The following BCR variants were observed in gnomAD, a reference collection of about 807,000 sequenced individuals.
BCR encodes the protein breakpoint cluster region protein.
Under a neutral mutation model 138.6 loss-of-function variants are expected in BCR, and 58 were observed. The ratio of observed to expected loss-of-function variants is 0.42; its 90% confidence interval spans 0.34 to 0.52. BCR has a LOEUF of 0.52. Ranked by LOEUF, BCR falls within the 20% of genes least tolerant of loss-of-function variation. The probability of loss-of-function intolerance (pLI) is 0.06; values close to 1 mark genes in which losing one functional copy is unlikely to be tolerated. For missense variants in BCR, 1,599 were observed against 1,727.2 expected (o/e 0.93, Z 1.32); for synonymous variants, 786 against 730.1 (o/e 1.08, Z -1.23).
rs998744190 is a variant in BCR at position 23,298,611 on chromosome 22, T to C, written c.3012+3456T>C. Among the ~76,000 whole-genome samples, 29 of 152,142 alleles carry C rather than the reference T, an allele frequency of 1.9e-4. No individual in the cohort carries two copies. The Middle Eastern group carries it at 0.01, about 54-fold the overall frequency. On this transcript the variant is annotated intron_variant, in intron 16 of 22. Transcript: ENST00000305877. ...TTTTTCCTTTCCTTTTGCCTTTCCT[T>C]CTTCTTCGGAGTCTCACTGTCTTGC...
intron 21 of BCR, 62 bp downstream of exon 21, chr22:23,314,135 T>C: frequency 7.5e-7 from 1 of 1,333,454 alleles, no homozygotes; most frequent in Non-Finnish European, 1.1e-6. Flanking sequence ...AGTGCCCCTC[T>C]GCTCCCACTA....
chr22:23,302,826 C>G (rs1423781363), intron 16 of BCR: 2 of 152,172 alleles, frequency 1.3e-5, no homozygotes, highest in African/African-American at 4.8e-5. Context: ...TCATGAATGC[C>G]CTTCACACAG....
At chr22:23,189,651 C>T (rs1044599801) in intron 1 of BCR, among the ~76,000 whole-genome samples, 1 of 152,140 alleles carries the variant, frequency 6.6e-6, no homozygotes, top group Non-Finnish European at 1.5e-5. Context: ...CAGGCGCCTG[C>T]CATCACACCC....
At chr22:23,202,099 T>G (rs1378208520) in intron 1 of BCR, among the ~76,000 whole-genome samples, 1 of 152,154 alleles carries the variant, frequency 6.6e-6, no homozygotes, top group Non-Finnish European at 1.5e-5. Context: ...TGTAGTGGAG[T>G]TATGGTTTAA....
At chr22:23,292,123 A>G (rs1296812704) in intron 14 of BCR, among the ~76,000 whole-genome samples, 1 of 152,098 alleles carries the variant, frequency 6.6e-6, no homozygotes, top group Non-Finnish European at 1.5e-5. Context: ...GCCCCATAGT[A>G]CAGCGGGGTC....
chr22:23,259,473 C>G (rs1183591972), intron 2 of BCR, among the ~76,000 whole-genome samples: 1 of 152,004 alleles, frequency 6.6e-6, no homozygotes, highest in Non-Finnish European at 1.5e-5. Flanking sequence ...TTGAGACCAG[C>G]CTGGGCAACA....
chr22:23,273,011 C>T, intron 6 of BCR, 70 bp from the exon 7 acceptor site: 1 of 1,547,752 alleles, frequency 6.5e-7, no homozygotes, highest in East Asian at 2.3e-5. Flanking sequence ...CACCCTTGCA[C>T]CGAGGGTGGT....
At chr22:23,247,703 G>A (rs935297939) in intron 1 of BCR, among the ~76,000 whole-genome samples, 1 of 152,130 alleles carries the variant, frequency 6.6e-6, no homozygotes, top group Non-Finnish European at 1.5e-5. Context: ...GCATCACATG[G>A]CCGATGGTCT....
intron 1 of BCR, among the ~76,000 whole-genome samples, chr22:23,187,704 T>C (rs918779379): frequency 6.6e-6 from 1 of 152,214 alleles, no homozygotes; most frequent in Non-Finnish European, 1.5e-5. Flanking sequence ...GATATTTTGA[T>C]ACATATCTGC....
At chr22:23,275,605 A>G (rs1315249873) in intron 8 of BCR, among the ~76,000 whole-genome samples, 2 of 152,136 alleles carry the variant, frequency 1.3e-5, no homozygotes, top group East Asian at 1.9e-4. Flanking sequence ...TGGAGCAACA[A>G]CCGGGCCCTG....
intron 1 of BCR, among the ~76,000 whole-genome samples, chr22:23,213,639 A>T (rs975368942): frequency 6.6e-6 from 1 of 152,166 alleles, no homozygotes; most frequent in African/African-American, 2.4e-5. Flanking sequence ...CCTGGGCAAG[A>T]AAGTGAGAGC....
intron 1 of BCR, among the ~76,000 whole-genome samples, chr22:23,200,195 T>C (rs375020430): frequency 6.6e-6 from 1 of 152,094 alleles, no homozygotes; most frequent in South Asian, 2.1e-4. Context: ...TCCTCAGATA[T>C]GTAGATGTCA....
chr22:23,225,456 G>C (rs1489997603), intron 1 of BCR, among the ~76,000 whole-genome samples: 1 of 152,174 alleles, frequency 6.6e-6, no homozygotes, highest in Non-Finnish European at 1.5e-5. Context: ...ACTGGACTGC[G>C]GGGCCATCCT....
At chr22:23,262,732 C>A in intron 4 of BCR, 1 of 842,226 alleles carries the variant, frequency 1.2e-6, no homozygotes, top group Non-Finnish European at 1.4e-6. Flanking sequence ...AGGGCGGGGG[C>A]GGAGAGGCGA....
intron 13 of BCR, 34 bp downstream of exon 13, chr22:23,289,655 G>A: frequency 6.4e-7 from 1 of 1,556,042 alleles, no homozygotes; most frequent in Non-Finnish European, 8.9e-7. Context: ...CAGGGCACCT[G>A]CAGGGAGGGC....
rs192508103 is a variant in BCR at position 23,310,297 on chromosome 22, G to A, written c.3073-27G>A. 3.3e-5 allele frequency: 38 copies of A among 1,143,062 alleles called. 3 individuals carry two copies. Among genetic ancestry groups the A allele is most frequent in the Non-Finnish European group, 4.6e-5 (36 of 783,384 alleles). The allele number at this position is 1,143,062 out of a possible 1,614,324, so 70.8% of individuals were successfully genotyped here. On this transcript the variant is annotated intron_variant, in intron 17 of 22. Coordinates refer to ENST00000305877, the MANE Select transcript of BCR (RefSeq NM_004327.4). ...GGCTATGAGGACCAGAAGGATTAGA[G>A]GACTGTGCCCCTTCTCCCTACTGTA...
At chr22:23,198,027 C>G (rs903462426) in intron 1 of BCR, among the ~76,000 whole-genome samples, 1 of 152,080 alleles carries the variant, frequency 6.6e-6, no homozygotes, top group Non-Finnish European at 1.5e-5. Context: ...AGGGCCGGAG[C>G]AGGCCCTTGG....
intron 20 of BCR, among the ~76,000 whole-genome samples, 156 bp downstream of exon 20, chr22:23,313,177 C>T (rs1163151363): frequency 5.3e-5 from 8 of 152,198 alleles, no homozygotes; most frequent in South Asian, 2.1e-4. Flanking sequence ...GGACCAGAAC[C>T]GAGCCTGTCC....
chr22:23,268,130 A>G (rs80235486), intron 4 of BCR, among the ~76,000 whole-genome samples: 8,427 of 152,224 alleles, frequency 0.055, 793 homozygotes, highest in African/African-American at 0.19. Flanking sequence ...ATTTCAGCGA[A>G]TGGGGTGGGA....
Sources: gnomAD v4.1 joint callset for allele counts (sites outside exome capture counted in the v4.1 genomes callset) on GRCh38, gnomAD v4.1.1 for gene constraint, MANE v1.5 for transcripts, NCBI Gene and HGNC (gene_info 2026-07-23, HGNC 2026-07-21) for gene names.